Variants in SLC9C1 observed in about 807,000 individuals in gnomAD.
SLC9C1 encodes solute carrier family 9 member C1.
Under a neutral mutation model 140.9 loss-of-function variants are expected in SLC9C1, and 97 were observed. The ratio of observed to expected loss-of-function variants is 0.69; its 90% confidence interval spans 0.58 to 0.82. The LOEUF (loss-of-function observed/expected upper bound fraction) is 0.82. SLC9C1 is among the 40% of genes least tolerant of loss of function. SLC9C1 has a pLI of 0.00. For synonymous variants in SLC9C1, 440 were observed against 442.6 expected, an observed-to-expected ratio of 0.99 and a Z score of 0.07; for missense variants, 1,340 against 1,389.3, an observed-to-expected ratio of 0.96 and a Z score of 0.56.
chr3:112,287,106 A>G (rs1303905862), intron 1 of SLC9C1, among the ~76,000 whole-genome samples: 1 of 152,174 alleles, frequency 6.6e-6, no homozygotes, highest in Non-Finnish European at 1.5e-5. Flanking sequence ...GCCAAGCACT[A>G]CGCACTTGTT....
intron 2 of SLC9C1, among the ~76,000 whole-genome samples, chr3:112,283,272 C>G (rs1383858244): frequency 6.6e-6 from 1 of 152,036 alleles, no homozygotes; most frequent in Non-Finnish European, 1.5e-5. Context: ...CCCTTGAGGC[C>G]AGGAGTTCCA....
chr3:112,204,430 A>G, intron 16 of SLC9C1, 27 bp from the exon 17 acceptor site: 1 of 1,535,780 alleles, frequency 6.5e-7, no homozygotes, highest in South Asian at 1.3e-5. Flanking sequence ...AAATTACATT[A>G]TCATGTTTGT....
At chr3:112,217,319 G>A (rs1453076980) in intron 15 of SLC9C1, 123 bp downstream of exon 15, 1 of 1,141,188 alleles carries the variant, frequency 8.8e-7, no homozygotes, top group Non-Finnish European at 1.2e-6. Context: ...CCTGCACGTT[G>A]TGCACATGTA....
intron 20 of SLC9C1, among the ~76,000 whole-genome samples, chr3:112,192,063 C>CG (rs2077673368): frequency 8.6e-6 from 1 of 116,102 alleles, no homozygotes; most frequent in Non-Finnish European, 1.9e-5. Flanking sequence ...TGTTTTTTTC[C>CG]ATTTTTTTTT....
At chr3:112,152,396 G>A (rs1012651357) in intron 27 of SLC9C1, among the ~76,000 whole-genome samples, 2 of 152,134 alleles carry the variant, frequency 1.3e-5, no homozygotes, top group Non-Finnish European at 2.9e-5. Flanking sequence ...CAGTATTGCT[G>A]CCAGCATGTC....
chr3:112,171,169 G>C (rs1489333859), intron 23 of SLC9C1, among the ~76,000 whole-genome samples: 1 of 152,026 alleles, frequency 6.6e-6, no homozygotes, highest in Non-Finnish European at 1.5e-5. Flanking sequence ...AGCTGAGATT[G>C]GGAGCCATTG....
intron 12 of SLC9C1, among the ~76,000 whole-genome samples, chr3:112,237,250 G>T (rs1269688529): frequency 6.6e-6 from 1 of 152,032 alleles, no homozygotes; most frequent in Non-Finnish European, 1.5e-5. Flanking sequence ...GATCTTCGTT[G>T]GTTTAAAGCC....
At chr3:112,286,985 C>A in intron 1 of SLC9C1, 107 bp from the exon 2 acceptor site, 3 of 441,010 alleles carry the variant, frequency 6.8e-6, no homozygotes, top group South Asian at 9.0e-5. Context: ...TCGTGGTCTG[C>A]CAAATTTAGG....
chr3:112,167,612 TA>T (rs558621648), intron 25 of SLC9C1, among the ~76,000 whole-genome samples: 26 of 152,228 alleles, frequency 1.7e-4, no homozygotes, highest in African/African-American at 4.3e-4. Flanking sequence ...AATGGCCCTT[TA>T]AAAATCATCC....
Position 112,237,099 on chromosome 3 carries a change from T to G in SLC9C1, c.1446+2741A>C, listed in dbSNP as rs565746526. 1.1e-3 allele frequency among the ~76,000 whole-genome samples: 165 copies of G among 152,332 alleles called. 1 individual carries two copies. The highest frequency in any genetic ancestry group is 2.5e-3 in the South Asian group (12 of 4,830). On this transcript the variant is annotated intron_variant, in intron 12 of 28. Transcript: ENST00000305815. Reference sequence around the variant, plus strand: ...CTCCCATTATTATTGTGTGGGAGTCTAAGTCTCTTTGTAGGTCTCTAAGGA... The same window carrying G: ...CTCCCATTATTATTGTGTGGGAGTCGAAGTCTCTTTGTAGGTCTCTAAGGA...
At chr3:112,280,641 T>C in intron 3 of SLC9C1, 42 bp downstream of exon 3, 1 of 1,504,292 alleles carries the variant, frequency 6.6e-7, no homozygotes, top group African/African-American at 1.4e-5. Flanking sequence ...ATTTATATAA[T>C]TCTCAAATAA....
At chr3:112,145,970 C>A (rs2074782150) in intron 28 of SLC9C1, among the ~76,000 whole-genome samples, 1 of 152,126 alleles carries the variant, frequency 6.6e-6, no homozygotes, top group African/African-American at 2.4e-5. Flanking sequence ...GATTGTGAGG[C>A]CTCCGCAGCC....
chr3:112,285,669 A>G (rs10934163), intron 2 of SLC9C1, among the ~76,000 whole-genome samples: 105,489 of 152,246 alleles, frequency 0.69, 36,989 homozygotes, highest in East Asian at 1. Flanking sequence ...GAAAACAAGC[A>G]AGGGAGTCCG....
chr3:112,267,255 T>C (rs1015885675), intron 7 of SLC9C1, among the ~76,000 whole-genome samples: 7 of 151,846 alleles, frequency 4.6e-5, no homozygotes, highest in Admixed American at 6.6e-5. Context: ...CTCCAGAGCC[T>C]GGGCAACAGA....
rs1366234109 is a variant in SLC9C1 at position 112,264,375 on chromosome 3, ATAAT to A, written c.879-36_879-33del. On this transcript the variant is annotated intron_variant, in intron 8 of 28. Coordinates refer to ENST00000305815, the MANE Select transcript of SLC9C1 (RefSeq NM_183061.3). ...CATTCAGAAAAAATTAAAAATATTT[ATAAT>A]TAATTAATTTGACATCTTTATTACA... 4.9e-6 allele frequency: 6 copies of A among 1,225,462 alleles called. No homozygotes were observed. The Admixed American group carries it at 1.1e-4, about 23-fold the overall frequency. 75.9% of individuals were successfully genotyped at this position (1,225,462 alleles called of 1,614,324 possible).
At chr3:112,171,493 A>G (rs994326048) in intron 23 of SLC9C1, among the ~76,000 whole-genome samples, 2 of 152,142 alleles carry the variant, frequency 1.3e-5, no homozygotes, top group African/African-American at 4.8e-5. Context: ...AGAGTTATTT[A>G]TAGATTCTAT....
intron 5 of SLC9C1, among the ~76,000 whole-genome samples, chr3:112,277,434 A>G (rs1188010185): frequency 2.6e-5 from 4 of 152,186 alleles, no homozygotes; most frequent in African/African-American, 9.6e-5. Context: ...AGAAGTATGT[A>G]TAAAGTCAAG....
chr3:112,272,321 G>A (rs1016430378), intron 6 of SLC9C1, among the ~76,000 whole-genome samples: 10 of 152,166 alleles, frequency 6.6e-5, no homozygotes, highest in African/African-American at 1.4e-4. Context: ...GCCAGGAAAA[G>A]TCTCAAAGCA....
chr3:112,254,199 G>T (rs975955887), intron 10 of SLC9C1, among the ~76,000 whole-genome samples: 1 of 152,136 alleles, frequency 6.6e-6, no homozygotes, highest in East Asian at 1.9e-4. Flanking sequence ...CTCCAAACTT[G>T]CTAGAGAGGC....
Sources: gnomAD v4.1 joint callset for allele counts (sites outside exome capture counted in the v4.1 genomes callset) on GRCh38, gnomAD v4.1.1 for gene constraint, MANE v1.5 for transcripts, NCBI Gene and HGNC (gene_info 2026-07-23, HGNC 2026-07-21) for gene names.